ITK: variants seen among roughly 807,000 people sequenced by gnomAD.
ITK encodes tyrosine-protein kinase ITK/TSK.
ITK carries 45 observed loss-of-function variants against 87.6 expected under a neutral mutation model. The ratio of observed to expected loss-of-function variants is 0.51; its 90% CI spans 0.40 to 0.66. ITK has a LOEUF of 0.66. ITK is among the 30% of genes least tolerant of loss of function. The pLI is 0.00. For synonymous variants in ITK, 303 were observed against 273.6 expected, an observed-to-expected ratio of 1.11 and a Z score of -1.06; for missense variants, 605 against 766.3, an observed-to-expected ratio of 0.79 and a Z score of 2.48.
intron 8 of ITK, among the ~76,000 whole-genome samples, chr5:157,233,186 G>C (rs917429971): frequency 2.6e-5 from 4 of 152,160 alleles, no homozygotes; most frequent in Non-Finnish European, 5.9e-5. Context: ...TTCTCAGTGA[G>C]TAGAAGGGCA....
rs149201083 is a variant in ITK, at chr5:157,222,332, T to C, written c.496-531T>C. Among the ~76,000 whole-genome samples, 626 of 152,226 alleles carry C rather than the reference T, an allele frequency of 4.1e-3. 2 individuals are homozygous for C. The highest frequency in any genetic ancestry group is 0.013 in the African/African-American group (538 of 41,528). ...CAGGAGAAGGAAGGGAGACAGGTGCTAGAGTAGAGAGAGTCTTAGGGCTAA... is the reference window on the plus strand; with the variant it reads ...CAGGAGAAGGAAGGGAGACAGGTGCCAGAGTAGAGAGAGTCTTAGGGCTAA... On this transcript the variant is annotated intron_variant, in intron 5 of 16. Coordinates refer to ENST00000422843, the MANE Select transcript of ITK (RefSeq NM_005546.4).
chr5:157,234,762 C>T (rs762175659), intron 8 of ITK, among the ~76,000 whole-genome samples: 9 of 152,080 alleles, frequency 5.9e-5, no homozygotes, highest in Non-Finnish European at 1.2e-4. Context: ...AACATGGATA[C>T]ATCACACACC....
rs1194623042 is a variant in ITK at position 157,245,706 on chromosome 5, T to C, written c.1450-20T>C. The C allele has an allele frequency of 4.3e-6, 7 of 1,611,384 alleles. No homozygotes were observed. The highest frequency in any genetic ancestry group is 1.3e-5 in the African/African-American group (1 of 74,886). ...TCAACAGTTTTCCTCTCCGCCTTTG[T>C]TTGCCTGTCTCCTCTCCAGGCTGCC... On this transcript the variant is annotated intron_variant, in intron 13 of 16. Coordinates refer to ENST00000422843, the MANE Select transcript of ITK (RefSeq NM_005546.4).
chr5:157,248,985 T>G lies in ITK; in HGVS notation c.1769T>G (p.Ile590Ser), dbSNP rs1042872017. ...PRLASTHVYQ[I>S]MNHCWKERPE... ...CTGGCCTCCACACACGTCTACCAGA[T>G]TATGAATCACTGCTGGAAAGAGGTC... Residue 590 changes from isoleucine to serine, a missense_variant, in exon 16 of 17, where the codon ATT (isoleucine) becomes AGT (serine). Around this residue, in one of 3 missense-constraint regions of ITK, gnomAD observed 71 missense variants for 65.8 expected, o/e 1.08. Transcript: ENST00000422843. 1.2e-6 allele frequency: 2 copies of G among 1,613,800 alleles called. No individual in the cohort carries two copies. The highest frequency in any genetic ancestry group is 2.7e-5 in the African/African-American group (2 of 74,912).
intron 1 of ITK, among the ~76,000 whole-genome samples, chr5:157,189,404 G>A (rs1293384896): frequency 1.3e-5 from 2 of 152,042 alleles, no homozygotes; most frequent in African/African-American, 2.4e-5. Context: ...TTCAGCCTGG[G>A]CACAGTGGCT....
chr5:157,217,551 G>A (rs1027773033), intron 4 of ITK, among the ~76,000 whole-genome samples: 2 of 152,158 alleles, frequency 1.3e-5, no homozygotes, highest in Admixed American at 6.5e-5. Context: ...TGCCTACAGG[G>A]AAGGGTGCAA....
chr5:157,241,552 C>T, intron 10 of ITK, 94 bp from the exon 11 acceptor site: 1 of 874,366 alleles, frequency 1.1e-6, no homozygotes, highest in Non-Finnish European at 1.9e-6. Flanking sequence ...GCTTTTGCGT[C>T]TGATGATGAT....
chr5:157,193,645 C>T (rs570328584), intron 1 of ITK, among the ~76,000 whole-genome samples: 10 of 152,186 alleles, frequency 6.6e-5, no homozygotes, highest in African/African-American at 1.7e-4. Flanking sequence ...ACATATAGGA[C>T]GAATATTAAA....
At chr5:157,201,795 C>G (rs766680851) in intron 1 of ITK, among the ~76,000 whole-genome samples, 18 of 145,542 alleles carry the variant, frequency 1.2e-4, no homozygotes, top group Non-Finnish European at 2.7e-4. Context: ...GACTATTAAA[C>G]AAATTCATCC....
intron 3 of ITK, among the ~76,000 whole-genome samples, chr5:157,212,102 T>G (rs1754202900): frequency 6.6e-6 from 1 of 152,196 alleles, no homozygotes; most frequent in South Asian, 2.1e-4. Flanking sequence ...ATGATTAGCA[T>G]GTGACCCTGG....
chr5:157,252,644 G>T lies in ITK; in HGVS notation c.1829G>T (p.Arg610Leu). Residue 610 changes from arginine to leucine, a missense_variant, in exon 17 of 17, where the codon CGT becomes CTT. This residue lies in a region of ITK where 71 missense variants were observed against 65.8 expected (regional missense o/e 1.08). Transcript: ENST00000422843. ...CGGCCAGCCTTCTCCAGACTGCTGC[G>T]TCAACTGGCTGAAATTGCAGAATCA... ...EDRPAFSRLL[R>L]QLAEIAESGL 1 of 1,614,082 alleles carries T rather than the reference G, an allele frequency of 6.2e-7. No homozygotes were observed. Among genetic ancestry groups the T allele is most frequent in the South Asian group, 1.1e-5 (1 of 91,080 alleles).
At position 157,181,121 on chromosome 5, in the gene ITK, T is replaced by A. The variant is rs1456656145; in HGVS notation, c.138+6T>A. 6.2e-7 allele frequency: 1 copy of A among 1,613,354 alleles called. No individual in the cohort carries two copies. The highest frequency in any genetic ancestry group is 2.2e-5 in the East Asian group (1 of 44,898). On this transcript the variant is annotated splice_donor_region_variant and intron_variant, in intron 1 of 16. Coordinates refer to ENST00000422843, the MANE Select transcript of ITK (RefSeq NM_005546.4). ...ACTTTGAAGATCGTCATGGGGTATG[T>A]GAGCAGTTTCATTTGTCTTTTTTCG...
intron 3 of ITK, 95 bp downstream of exon 3, chr5:157,211,463 T>C: frequency 9.6e-7 from 1 of 1,039,338 alleles, no homozygotes; most frequent in Non-Finnish European, 1.5e-6. Context: ...TGAGAGCAGC[T>C]GATGGCTGAT....
At chr5:157,195,501 C>A (rs893036024) in intron 1 of ITK, 1 of 152,058 alleles carries the variant, frequency 6.6e-6, no homozygotes, top group African/African-American at 2.4e-5. Flanking sequence ...AGATAATGGC[C>A]TTTCGCCATG....
At chr5:157,183,763 A>T (rs1017729414) in intron 1 of ITK, among the ~76,000 whole-genome samples, 4 of 152,194 alleles carry the variant, frequency 2.6e-5, no homozygotes, top group Non-Finnish European at 5.9e-5. Context: ...GTCGGGTGTC[A>T]GAGCTTCTTT....
At chr5:157,186,615 G>A (rs1285918295) in intron 1 of ITK, among the ~76,000 whole-genome samples, 1 of 151,702 alleles carries the variant, frequency 6.6e-6, no homozygotes, top group Non-Finnish European at 1.5e-5. Context: ...GGCAGAGGTT[G>A]CAGAGAGCCA....
At chr5:157,201,073 A>AT (rs1268450236) in intron 1 of ITK, among the ~76,000 whole-genome samples, 5 of 133,710 alleles carry the variant, frequency 3.7e-5, no homozygotes, top group Middle Eastern at 3.4e-3. Context: ...AATTAAGATA[A>AT]TATACAATAT....
intron 5 of ITK, among the ~76,000 whole-genome samples, chr5:157,220,590 A>T (rs1754394800): frequency 6.6e-6 from 1 of 152,132 alleles, no homozygotes; most frequent in East Asian, 1.9e-4. Flanking sequence ...CCTGCAGCAG[A>T]GTGGTCAGGA....
chr5:157,227,187 A>C (rs39825), intron 6 of ITK, among the ~76,000 whole-genome samples: 107,318 of 152,016 alleles, frequency 0.71, 38,405 homozygotes, highest in East Asian at 0.98. Context: ...TAAGTATAAT[A>C]TAGTTTAAGC....
Sources: gnomAD v4.1 joint callset for allele counts (sites outside exome capture counted in the v4.1 genomes callset) on GRCh38, gnomAD v4.1.1 for gene constraint, gnomAD v4.1.1 regional missense constraint, MANE v1.5 for transcripts, NCBI Gene and HGNC (gene_info 2026-07-23, HGNC 2026-07-21) for gene names.